RBMS3: variants seen among roughly 807,000 people sequenced by gnomAD.
RBMS3 encodes the protein RNA binding motif single stranded interacting protein 3.
RBMS3 carries 27 observed loss-of-function variants against 66.8 expected under a neutral mutation model. The observed-to-expected ratio is 0.40, with a 90% CI of 0.30 to 0.56. The LOEUF is 0.56. Among genes scored for constraint, RBMS3 ranks in the 20% least tolerant of loss-of-function variants. The probability of loss-of-function intolerance (pLI) is 0.40; values close to 1 mark genes in which losing one functional copy is unlikely to be tolerated. For missense variants in RBMS3, 513 were observed against 549.5 expected, an observed-to-expected ratio of 0.93 and a Z score of 0.66; for synonymous variants, 188 against 183.0, an observed-to-expected ratio of 1.03 and a Z score of -0.22.
intron 4 of RBMS3, among the ~76,000 whole-genome samples, chr3:29,704,535 G>A (rs148288120): frequency 2.1e-4 from 32 of 152,216 alleles, no homozygotes; most frequent in Middle Eastern, 6.8e-3. Context: ...TCTCAAAGTC[G>A]CAGTTGCCTC....
At chr3:29,947,677 A>G (rs76651853) in intron 12 of RBMS3, among the ~76,000 whole-genome samples, 58 of 151,556 alleles carry the variant, frequency 3.8e-4, no homozygotes, top group African/African-American at 1.4e-3. Context: ...TAACAACTAT[A>G]ACTCCTTTAA....
intron 6 of RBMS3, among the ~76,000 whole-genome samples, chr3:29,802,477 T>C (rs1330997331): frequency 6.6e-6 from 1 of 152,180 alleles, no homozygotes; most frequent in Non-Finnish European, 1.5e-5. Flanking sequence ...GATAGTGGTG[T>C]TTTAAAAGTT....
At chr3:29,698,766 A>G in intron 4 of RBMS3, 1 of 406,544 alleles carries the variant, frequency 2.5e-6, no homozygotes. Context: ...TATAGAGCTT[A>G]TTTTTAATTA....
intron 10 of RBMS3, among the ~76,000 whole-genome samples, chr3:29,921,086 G>C (rs905581593): frequency 7.2e-5 from 11 of 152,048 alleles, no homozygotes; most frequent in Admixed American, 1.3e-4. Context: ...TTTTGAGATG[G>C]AGTTTCACTC....
At position 29,579,903 on chromosome 3, in the gene RBMS3, A is replaced by G. The variant is rs139546672; in HGVS notation, c.308-7211A>G. Among the ~76,000 whole-genome samples, 111 of 152,348 alleles carry G rather than the reference A, an allele frequency of 7.3e-4. 2 individuals carry two copies. The highest frequency in any genetic ancestry group is 2.6e-3 in the African/African-American group (107 of 41,580). ...AAAGCATAGTGACTGCACTAAGCCC[A>G]TAAATAATGATTCTGATACTCATTT... On this transcript the variant is annotated intron_variant, in intron 3 of 14. Transcript: ENST00000383767.
chr3:29,584,018 C>A (rs1176307886), intron 3 of RBMS3, among the ~76,000 whole-genome samples: 2 of 152,058 alleles, frequency 1.3e-5, no homozygotes, highest in Non-Finnish European at 2.9e-5. Flanking sequence ...TTCTTCCCAG[C>A]CAAGATAACT....
At chr3:29,979,165 A>T (rs1481260642) in intron 12 of RBMS3, among the ~76,000 whole-genome samples, 1 of 151,482 alleles carries the variant, frequency 6.6e-6, no homozygotes, top group Non-Finnish European at 1.5e-5. Flanking sequence ...AAGAAACAAC[A>T]ACAACAACAA....
At position 29,610,016 on chromosome 3, in the gene RBMS3, A is replaced by G. The variant is rs544028018; in HGVS notation, c.399+22811A>G. ...TGCTAAAACATTTCAGCCTTTTCTC[A>G]TAAGTAGAAACATTAATTTTAAAAA... On this transcript the variant is annotated intron_variant, in intron 4 of 14. Coordinates refer to ENST00000383767, the MANE Select transcript of RBMS3 (RefSeq NM_001003793.3). 5.3e-5 allele frequency among the ~76,000 whole-genome samples: 8 copies of G among 152,232 alleles called. No individual in the cohort carries two copies. The East Asian group carries it at 1.2e-3, about 22-fold the overall frequency.
chr3:29,920,106 A>G (rs2060732948), intron 10 of RBMS3, among the ~76,000 whole-genome samples: 1 of 152,164 alleles, frequency 6.6e-6, no homozygotes, highest in Non-Finnish European at 1.5e-5. Context: ...CATGGCAGTA[A>G]TAAGAAGCAA....
intron 4 of RBMS3, among the ~76,000 whole-genome samples, chr3:29,607,371 T>C (rs2048349220): frequency 6.6e-6 from 1 of 151,934 alleles, no homozygotes; most frequent in Non-Finnish European, 1.5e-5. Flanking sequence ...CAGTGTCTGT[T>C]GAGGGCCTGG....
chr3:29,492,547 T>G, intron 3 of RBMS3, among the ~76,000 whole-genome samples: 1 of 152,004 alleles, frequency 6.6e-6, no homozygotes, highest in East Asian at 1.9e-4. Flanking sequence ...GGAGAAATAA[T>G]GGGATGGGAA....
intron 1 of RBMS3, among the ~76,000 whole-genome samples, chr3:29,335,726 G>C (rs1205863974): frequency 6.6e-6 from 1 of 152,160 alleles, no homozygotes; most frequent in Admixed American, 6.5e-5. Context: ...ACCCAGCTCA[G>C]AACTCAGCGG....
chr3:29,695,678 A>T (rs2052239120), intron 4 of RBMS3, among the ~76,000 whole-genome samples: 1 of 152,166 alleles, frequency 6.6e-6, no homozygotes, highest in African/African-American at 2.4e-5. Flanking sequence ...AATTACAGGA[A>T]GTTATGAAAC....
intron 8 of RBMS3, among the ~76,000 whole-genome samples, chr3:29,895,403 C>A (rs2060104217): frequency 6.6e-6 from 1 of 151,472 alleles, no homozygotes; most frequent in African/African-American, 2.4e-5. Flanking sequence ...CTCCCCTCCT[C>A]AAATTCCCTC....
intron 3 of RBMS3, among the ~76,000 whole-genome samples, chr3:29,522,641 C>T (rs2148976120): frequency 6.6e-6 from 1 of 152,266 alleles, no homozygotes; most frequent in Middle Eastern, 3.4e-3. Context: ...CATGACAGGG[C>T]TGCCAGGTGG....
intron 1 of RBMS3, among the ~76,000 whole-genome samples, chr3:29,319,202 A>G (rs1419306721): frequency 6.6e-6 from 1 of 151,972 alleles, no homozygotes; most frequent in African/African-American, 2.4e-5. Flanking sequence ...TTTCTCATTT[A>G]ATAGCATTCC....
chr3:29,294,860 C>A (rs2033114576), intron 1 of RBMS3, among the ~76,000 whole-genome samples: 1 of 151,630 alleles, frequency 6.6e-6, no homozygotes, highest in Non-Finnish European at 1.5e-5. Context: ...GGACTATAGT[C>A]CAGGAGTAAC....
chr3:29,334,676 A>T (rs1362609624), intron 1 of RBMS3, among the ~76,000 whole-genome samples: 1 of 152,168 alleles, frequency 6.6e-6, no homozygotes, highest in Non-Finnish European at 1.5e-5. Flanking sequence ...TGTGAATTTT[A>T]TTAAAGTCAG....
chr3:29,399,133 C>T (rs1327243539), intron 1 of RBMS3, among the ~76,000 whole-genome samples: 2 of 152,142 alleles, frequency 1.3e-5, no homozygotes, highest in African/African-American at 2.4e-5. Context: ...AAAGTTTTAA[C>T]TTCCTTTCGT....
Sources: allele counts gnomAD v4.1 joint callset (sites outside exome capture counted in the v4.1 genomes callset), GRCh38; gene constraint gnomAD v4.1.1; transcripts MANE v1.5; gene names NCBI Gene and HGNC (gene_info 2026-07-23, HGNC 2026-07-21).